The following NEO1 variants were observed in gnomAD, a reference collection of about 807,000 sequenced individuals.
The protein encoded by NEO1 is neogenin 1.
NEO1 carries 63 observed loss-of-function variants against 159.7 expected under a neutral mutation model. The observed-to-expected ratio is 0.39, with a 90% CI of 0.32 to 0.49. The LOEUF (loss-of-function observed/expected upper bound fraction) is 0.49. Among genes scored for constraint, NEO1 ranks in the 20% least tolerant of loss-of-function variants. The pLI is 0.85. For missense variants in NEO1, 1,615 were observed against 1,831.0 expected (o/e 0.88, Z 2.15); for synonymous variants, 633 against 662.0 (o/e 0.96, Z 0.67).
intron 7 of NEO1, among the ~76,000 whole-genome samples, chr15:73,196,334 A>T (rs1032184300): frequency 6.6e-5 from 10 of 152,188 alleles, no homozygotes; most frequent in African/African-American, 2.4e-4. Context: ...AATTGTTTAT[A>T]TAAGTCATTT....
intron 7 of NEO1, among the ~76,000 whole-genome samples, chr15:73,204,001 C>T (rs1328317443): frequency 1.3e-5 from 2 of 152,118 alleles, no homozygotes; most frequent in East Asian, 3.9e-4. Flanking sequence ...TTTAACATTT[C>T]TTGCAGGGCA....
chr15:73,063,282 TATATC>T (rs2068060065), intron 1 of NEO1, among the ~76,000 whole-genome samples: 2 of 152,108 alleles, frequency 1.3e-5, no homozygotes, highest in Non-Finnish European at 2.9e-5. Flanking sequence ...TTAAGTGACA[TATATC>T]ATAACCACCC....
chr15:73,089,644 G>C (rs2069569579), intron 1 of NEO1, among the ~76,000 whole-genome samples: 2 of 151,642 alleles, frequency 1.3e-5, no homozygotes, highest in African/African-American at 4.8e-5. Context: ...ACATTTAAAG[G>C]CTTCCCAGTG....
intron 7 of NEO1, among the ~76,000 whole-genome samples, chr15:73,213,457 T>C (rs781673025): frequency 6.6e-6 from 1 of 152,134 alleles, no homozygotes; most frequent in Admixed American, 6.6e-5. Flanking sequence ...AAAGTCCATA[T>C]CATTCTTAAT....
Position 73,298,446 on chromosome 15 carries a change from TCTTA to T in NEO1, c.4004_4007del (p.Tyr1335TrpfsTer24). On this transcript the variant is annotated frameshift_variant, in exon 27 of 29. Transcript: ENST00000261908. LOFTEE classifies it high-confidence loss of function. ...GGACCCTGAAGGTGCTACCAGCTCC[TCTTA>T]CTTGGCCAGCTCCCAAGAGGAAGAT... 1 of 1,614,192 alleles carries T rather than the reference TCTTA, an allele frequency of 6.2e-7. No homozygotes were observed. Among genetic ancestry groups the T allele is most frequent in the Non-Finnish European group, 8.5e-7 (1 of 1,180,036 alleles).
intron 1 of NEO1, among the ~76,000 whole-genome samples, chr15:73,083,007 G>C (rs1446068094): frequency 1.3e-5 from 2 of 152,178 alleles, no homozygotes; most frequent in African/African-American, 4.8e-5. Flanking sequence ...GAAAATAACA[G>C]AGTGCCTGGA....
chr15:73,298,305 T>G, intron 26 of NEO1, 43 bp from the exon 27 acceptor site: 1 of 1,608,654 alleles, frequency 6.2e-7, no homozygotes, highest in South Asian at 1.1e-5. Context: ...GTCACATATT[T>G]AATGGCAAAA....
intron 1 of NEO1, among the ~76,000 whole-genome samples, chr15:73,076,352 A>C (rs542874953): frequency 6.6e-6 from 1 of 152,184 alleles, no homozygotes; most frequent in Non-Finnish European, 1.5e-5. Flanking sequence ...TCTAGTTGAG[A>C]GGTCCTACCT....
chr15:73,176,357 C>T (rs375725485), intron 5 of NEO1, 46 bp from the exon 6 acceptor site: 8 of 1,255,656 alleles, frequency 6.4e-6, no homozygotes, highest in East Asian at 2.7e-5. Flanking sequence ...GAATAGCTGC[C>T]TAGTTCTATT....
chr15:73,216,858 A>T (rs2037918744), intron 7 of NEO1, among the ~76,000 whole-genome samples: 1 of 151,718 alleles, frequency 6.6e-6, no homozygotes, highest in Non-Finnish European at 1.5e-5. Flanking sequence ...GATTGAGAAA[A>T]TTTTCTCCCA....
At chr15:73,250,004 G>A (rs919597516) in intron 11 of NEO1, among the ~76,000 whole-genome samples, 5 of 152,154 alleles carry the variant, frequency 3.3e-5, no homozygotes, top group African/African-American at 9.7e-5. Flanking sequence ...AGAAGCTTTT[G>A]TGTAAGTAAA....
intron 7 of NEO1, among the ~76,000 whole-genome samples, chr15:73,195,037 A>T (rs2036461947): frequency 1.3e-5 from 2 of 152,220 alleles, no homozygotes; most frequent in African/African-American, 2.4e-5. Flanking sequence ...TCTTTGCCAA[A>T]GGTCATGGAC....
In NEO1 at chr15:73,303,816, C is replaced by T. The variant is rs750039367; in HGVS notation, c.*1120C>T. On this transcript the variant is annotated 3_prime_UTR_variant, in exon 29 of 29. Coordinates refer to ENST00000261908, the MANE Select transcript of NEO1 (RefSeq NM_002499.4). ...CACAGAATAGGGTAAGAGCCTGACCCCATTCTGTAAATCAGAAAGCAAGGA... is the reference window on the plus strand; with the variant it reads ...CACAGAATAGGGTAAGAGCCTGACCTCATTCTGTAAATCAGAAAGCAAGGA... 1 of 152,166 alleles carries T rather than the reference C, an allele frequency of 6.6e-6. No homozygotes were observed. The highest frequency in any genetic ancestry group is 1.5e-5 in the Non-Finnish European group (1 of 68,042). 9.4% of individuals were successfully genotyped at this position (152,166 alleles called of 1,614,324 possible).
chr15:73,056,954 A>G (rs1224291385), intron 1 of NEO1, among the ~76,000 whole-genome samples: 1 of 152,156 alleles, frequency 6.6e-6, no homozygotes, highest in Non-Finnish European at 1.5e-5. Context: ...AAGAAATATG[A>G]CTGATTTTCA....
intron 5 of NEO1, among the ~76,000 whole-genome samples, chr15:73,156,001 G>A (rs559418694): frequency 2.0e-5 from 3 of 152,160 alleles, no homozygotes; most frequent in Non-Finnish European, 2.9e-5. Context: ...GTGTTCCTTT[G>A]AATGTGTCAT....
intron 1 of NEO1, among the ~76,000 whole-genome samples, chr15:73,062,367 A>G (rs748270696): frequency 6.6e-6 from 1 of 152,090 alleles, no homozygotes; most frequent in Non-Finnish European, 1.5e-5. Flanking sequence ...TGAATCATTG[A>G]TTCATTTATA....
intron 27 of NEO1, among the ~76,000 whole-genome samples, chr15:73,298,894 A>G (rs1485453131): frequency 2.0e-5 from 3 of 152,298 alleles, no homozygotes; most frequent in Non-Finnish European, 4.4e-5. Flanking sequence ...GGTAAGTCCA[A>G]TGGCATGGGA....
intron 1 of NEO1, among the ~76,000 whole-genome samples, chr15:73,090,217 G>T (rs112325911): frequency 6.6e-6 from 1 of 151,998 alleles, no homozygotes; most frequent in African/African-American, 2.4e-5. Flanking sequence ...TTATTTAAGA[G>T]GGAGTCTTGC....
chr15:73,117,652 T>C (rs2071401042), intron 2 of NEO1, among the ~76,000 whole-genome samples: 1 of 152,212 alleles, frequency 6.6e-6, no homozygotes, highest in Non-Finnish European at 1.5e-5. Context: ...ACTCCAGGAT[T>C]ATGGTTTCCC....
Sources: allele counts gnomAD v4.1 joint callset (sites outside exome capture counted in the v4.1 genomes callset), GRCh38; gene constraint gnomAD v4.1.1; transcripts MANE v1.5; gene names NCBI Gene and HGNC (gene_info 2026-07-23, HGNC 2026-07-21).